Variants in PDE10A observed in about 807,000 individuals in gnomAD.
PDE10A encodes the protein cAMP and cAMP-inhibited cGMP 3',5'-cyclic phosphodiesterase 10A.
PDE10A carries 39 observed loss-of-function variants against 97.7 expected under a neutral mutation model. The observed-to-expected ratio is 0.40, with a 90% CI of 0.31 to 0.52. PDE10A has a LOEUF of 0.52. Ranked by LOEUF, PDE10A falls within the 20% of genes least tolerant of loss-of-function variation. The pLI is 0.56. For missense variants in PDE10A, 731 were observed against 1,047.8 expected (o/e 0.70, Z 4.17); for synonymous variants, 371 against 376.8 (o/e 0.98, Z 0.18).
At chr6:165,444,627 T>C (rs898712738) in intron 5 of PDE10A, among the ~76,000 whole-genome samples, 4 of 152,210 alleles carry the variant, frequency 2.6e-5, no homozygotes, top group Non-Finnish European at 5.9e-5. Context: ...AATCACATAA[T>C]GATTTCCATA....
intron 2 of PDE10A, among the ~76,000 whole-genome samples, chr6:165,516,822 C>T (rs989102859): frequency 6.6e-5 from 10 of 152,184 alleles, no homozygotes; most frequent in South Asian, 2.1e-4. Context: ...TTCTTACAAA[C>T]GGCAACAGGG....
rs1266478217 is a variant in PDE10A at position 165,619,499 on chromosome 6, CTAGTG to C, written c.865+42443_865+42447del. Among the ~76,000 whole-genome samples the C allele has an allele frequency of 6.8e-3, 115 of 17,020 alleles. 8 individuals carry two copies. Among genetic ancestry groups the C allele is most frequent in the Non-Finnish European group, 0.011 (99 of 8,984 alleles). 11.2% of individuals were successfully genotyped at this position (17,020 alleles called of 152,430 possible). On this transcript the variant is annotated intron_variant, in intron 1 of 21. Transcript: ENST00000539869. ...GTAGTCTAGTGTAGTCTAGTGTAGT[CTAGTG>C]TAGTGTAGTCTAGTGTAGTGTAGTG...
intron 19 of PDE10A, 48 bp downstream of exon 19, chr6:165,343,343 T>C (rs771750944): frequency 7.9e-7 from 1 of 1,272,794 alleles, no homozygotes; most frequent in Non-Finnish European, 1.2e-6. Flanking sequence ...GATCCATACG[T>C]TTTATTTCTC....
chr6:165,517,181 TTTTAA>T (rs1245134439), intron 2 of PDE10A, among the ~76,000 whole-genome samples: 2 of 152,182 alleles, frequency 1.3e-5, no homozygotes, highest in Non-Finnish European at 2.9e-5. Context: ...TGATTCTTCC[TTTTAA>T]TTTAATTAGA....
intron 21 of PDE10A, among the ~76,000 whole-genome samples, chr6:165,335,766 G>A (rs940164718): frequency 6.6e-6 from 1 of 151,920 alleles, no homozygotes; most frequent in African/African-American, 2.4e-5. Context: ...ATAAGAAAGC[G>A]AGAAGGGTCT....
At chr6:165,651,963 G>C (rs113240533) in intron 1 of PDE10A, among the ~76,000 whole-genome samples, 3,875 of 152,126 alleles carry the variant, frequency 0.025, 168 homozygotes, top group African/African-American at 0.088. Context: ...CCACGTGTCT[G>C]GGTTTGTTAA....
At chr6:165,645,181 C>CCCA (rs1789329568) in intron 1 of PDE10A, among the ~76,000 whole-genome samples, 1 of 152,156 alleles carries the variant, frequency 6.6e-6, no homozygotes, top group Non-Finnish European at 1.5e-5. Flanking sequence ...GCCAGGAGAG[C>CCCA]CCACTCGATT....
At chr6:165,603,743 G>T (rs1787078707) in intron 1 of PDE10A, among the ~76,000 whole-genome samples, 1 of 152,256 alleles carries the variant, frequency 6.6e-6, no homozygotes, top group Non-Finnish European at 1.5e-5. Context: ...AAAATGGAGA[G>T]AAAGGGGGCA....
intron 1 of PDE10A, among the ~76,000 whole-genome samples, chr6:165,845,154 C>T (rs1036923299): frequency 2.6e-5 from 4 of 152,170 alleles, no homozygotes; most frequent in African/African-American, 9.7e-5. Context: ...GGAAACAAAG[C>T]TCCTTTCTGA....
At chr6:165,633,148 G>T (rs944287014) in intron 1 of PDE10A, among the ~76,000 whole-genome samples, 2 of 151,968 alleles carry the variant, frequency 1.3e-5, no homozygotes, top group African/African-American at 4.8e-5. Context: ...TTGTAACTCT[G>T]CAGAATAGAG....
In PDE10A at chr6:165,388,863, T is replaced by G. The variant is rs2128213245; in HGVS notation, c.2455-410A>C. ...AATTCTAACAATGCTATTGCTATTA[T>G]AAACAATAAATATAACAGGTAAATC... On this transcript the variant is annotated intron_variant, in intron 16 of 21. Transcript: ENST00000539869. The surrounding 1 kb of genome is among the most constrained non-coding windows in gnomAD (Gnocchi z 4.0). 6.6e-6 allele frequency among the ~76,000 whole-genome samples: 1 copy of G among 152,300 alleles called. No individual in the cohort carries two copies. The highest frequency in any genetic ancestry group is 1.9e-4 in the East Asian group (1 of 5,188).
At chr6:165,428,079 G>A (rs1455760823) in intron 10 of PDE10A, among the ~76,000 whole-genome samples, 1 of 152,036 alleles carries the variant, frequency 6.6e-6, no homozygotes, top group Admixed American at 6.6e-5. Flanking sequence ...GAGTACTGTA[G>A]AAAGAACATT....
At chr6:165,959,390 T>C (rs1238100988) in intron 1 of PDE10A, among the ~76,000 whole-genome samples, 3 of 152,206 alleles carry the variant, frequency 2.0e-5, no homozygotes, top group Non-Finnish European at 4.4e-5. Context: ...CTTGCACTAA[T>C]GCTTTTGTGA....
At chr6:165,865,512 A>G (rs1460186874) in intron 1 of PDE10A, among the ~76,000 whole-genome samples, 3 of 152,332 alleles carry the variant, frequency 2.0e-5, no homozygotes, top group Middle Eastern at 6.8e-3. Flanking sequence ...AAACTTAGTG[A>G]GATACAAGAG....
intron 1 of PDE10A, among the ~76,000 whole-genome samples, chr6:165,820,722 A>G (rs928546616): frequency 2.6e-5 from 4 of 152,222 alleles, no homozygotes; most frequent in Admixed American, 6.5e-5. Flanking sequence ...TTCCCTTTCC[A>G]TTGCAGAAAC....
intron 1 of PDE10A, among the ~76,000 whole-genome samples, chr6:165,563,237 G>GGAGAGGGA (rs1415759885): frequency 6.8e-6 from 1 of 147,322 alleles, no homozygotes; most frequent in African/African-American, 2.5e-5. Flanking sequence ...AGAGGAAGGG[G>GGAGAGGGA]GAGAGGGAGA....
At chr6:165,531,136 C>T (rs1782752103) in intron 2 of PDE10A, among the ~76,000 whole-genome samples, 1 of 151,932 alleles carries the variant, frequency 6.6e-6, no homozygotes, top group Non-Finnish European at 1.5e-5. Context: ...TTTCCAAACC[C>T]CCAGAGGAGA....
chr6:165,538,119 TA>T (rs1418296825), intron 2 of PDE10A, among the ~76,000 whole-genome samples: 1 of 152,104 alleles, frequency 6.6e-6, no homozygotes, highest in Non-Finnish European at 1.5e-5. Flanking sequence ...ATAGTAGGTT[TA>T]GGGGGCATAA....
chr6:165,830,542 A>G (rs1283258097), intron 1 of PDE10A, among the ~76,000 whole-genome samples: 1 of 152,152 alleles, frequency 6.6e-6, no homozygotes, highest in Admixed American at 6.5e-5. Flanking sequence ...AGTGGGGAGC[A>G]GCCTGCCCTC....
Sources: allele counts gnomAD v4.1 joint callset (sites outside exome capture counted in the v4.1 genomes callset), GRCh38; gene constraint gnomAD v4.1.1; non-coding constraint Gnocchi (gnomAD v3.1); transcripts MANE v1.5; gene names NCBI Gene and HGNC (gene_info 2026-07-23, HGNC 2026-07-21).